The following FGF12 variants were observed in gnomAD, a reference collection of about 807,000 sequenced individuals.
FGF12 encodes the protein fibroblast growth factor 12B.
FGF12 carries 14 observed loss-of-function variants against 23.6 expected under a neutral mutation model. The observed-to-expected ratio is 0.59, with a 90% confidence interval of 0.39 to 0.93. The LOEUF is 0.93. Among genes scored for constraint, FGF12 ranks in the 40% least tolerant of loss-of-function variants. The pLI, the probability that FGF12 is intolerant of heterozygous loss-of-function variation, is 0.00. For synonymous variants in FGF12, 62 were observed against 77.3 expected, an observed-to-expected ratio of 0.80 and a Z score of 1.04; for missense variants, 175 against 217.8, an observed-to-expected ratio of 0.80 and a Z score of 1.24.
intron 2 of FGF12, among the ~76,000 whole-genome samples, chr3:192,668,692 C>T (rs1165682097): frequency 6.6e-6 from 1 of 151,782 alleles, no homozygotes; most frequent in South Asian, 2.1e-4. Context: ...CGTGTAGGTC[C>T]CAGAATTTAA....
At chr3:192,268,490 G>A (rs866818778) in intron 4 of FGF12, among the ~76,000 whole-genome samples, 1 of 152,198 alleles carries the variant, frequency 6.6e-6, no homozygotes, top group Admixed American at 6.5e-5. Context: ...GGTGGGGCCT[G>A]GTGGGAGATG....
intron 2 of FGF12, among the ~76,000 whole-genome samples, chr3:192,711,676 C>A (rs1024623270): frequency 2.6e-5 from 4 of 152,114 alleles, no homozygotes; most frequent in African/African-American, 9.7e-5. Context: ...GAAACATGTA[C>A]CGTGTCCACT....
chr3:192,697,837 C>T (rs1385627848), intron 2 of FGF12, among the ~76,000 whole-genome samples: 1 of 152,176 alleles, frequency 6.6e-6, no homozygotes, highest in African/African-American at 2.4e-5. Flanking sequence ...GCTGCTCTCC[C>T]AAATAGACCA....
At chr3:192,335,885 C>T (rs797012878) in intron 3 of FGF12, among the ~76,000 whole-genome samples, 2 of 152,020 alleles carry the variant, frequency 1.3e-5, no homozygotes, top group African/African-American at 2.4e-5. Flanking sequence ...TTAAAACAGG[C>T]CAAAGCTTCT....
intron 4 of FGF12, among the ~76,000 whole-genome samples, chr3:192,223,615 C>T (rs188268879): frequency 1.1e-4 from 17 of 152,118 alleles, no homozygotes; most frequent in Admixed American, 4.6e-4. Context: ...AAATTATTCA[C>T]GGTATCTCAT....
At chr3:192,317,671 A>C (rs1716300618) in intron 4 of FGF12, among the ~76,000 whole-genome samples, 1 of 152,166 alleles carries the variant, frequency 6.6e-6, no homozygotes, top group South Asian at 2.1e-4. Context: ...GCTGCCTTGA[A>C]GGGAGCAAGC....
At chr3:192,678,742 G>T (rs895966488) in intron 2 of FGF12, among the ~76,000 whole-genome samples, 5 of 152,142 alleles carry the variant, frequency 3.3e-5, no homozygotes, top group Non-Finnish European at 5.9e-5. Context: ...GAAAAACAGG[G>T]TCAGTGCATG....
At chr3:192,536,761 G>A (rs1300311453) in intron 2 of FGF12, among the ~76,000 whole-genome samples, 3 of 151,854 alleles carry the variant, frequency 2.0e-5, no homozygotes, top group Non-Finnish European at 4.4e-5. Context: ...CAGGGTAAAT[G>A]GGGTATTCAT....
chr3:192,563,274 T>C (rs1363729633), intron 2 of FGF12, among the ~76,000 whole-genome samples: 1 of 152,236 alleles, frequency 6.6e-6, no homozygotes, highest in Non-Finnish European at 1.5e-5. Context: ...AAGCATTTGA[T>C]GAATGGCTAG....
At chr3:192,280,814 A>G (rs1714099053) in intron 4 of FGF12, among the ~76,000 whole-genome samples, 1 of 152,198 alleles carries the variant, frequency 6.6e-6, no homozygotes, top group African/African-American at 2.4e-5. Flanking sequence ...AAGCTAAAAT[A>G]TTGTAATTTT....
chr3:192,347,895 A>G (rs1166750922), intron 3 of FGF12, among the ~76,000 whole-genome samples: 3 of 152,136 alleles, frequency 2.0e-5, no homozygotes, highest in African/African-American at 7.2e-5. Context: ...AATCTCCTAC[A>G]TATTATTCCC....
chr3:192,482,896 G>A (rs1051911625), intron 2 of FGF12, among the ~76,000 whole-genome samples: 1 of 152,158 alleles, frequency 6.6e-6, no homozygotes, highest in Non-Finnish European at 1.5e-5. Context: ...TAGTTGGAAA[G>A]ATAAAATGTG....
intron 2 of FGF12, among the ~76,000 whole-genome samples, chr3:192,669,044 G>T (rs1039650304): frequency 1.3e-5 from 2 of 152,088 alleles, no homozygotes; most frequent in African/African-American, 4.8e-5. Context: ...TTTAAAAATT[G>T]TTAGAGCATA....
chr3:192,671,581 G>A (rs1717118756), intron 2 of FGF12, among the ~76,000 whole-genome samples: 1 of 152,104 alleles, frequency 6.6e-6, no homozygotes, highest in Admixed American at 6.6e-5. Flanking sequence ...CAAGTCCATA[G>A]GCTTCAGTTT....
intron 2 of FGF12, among the ~76,000 whole-genome samples, chr3:192,500,046 C>G (rs1208618706): frequency 6.6e-6 from 1 of 152,058 alleles, no homozygotes; most frequent in Non-Finnish European, 1.5e-5. Flanking sequence ...GTGAGAAGAT[C>G]AATCAAAACA....
At chr3:192,723,658 T>C (rs942653964) in intron 2 of FGF12, among the ~76,000 whole-genome samples, 11 of 151,986 alleles carry the variant, frequency 7.2e-5, no homozygotes, top group African/African-American at 2.7e-4. Context: ...TTGGGAGCCA[T>C]TTAAAACTAC....
chr3:192,511,731 A>AG (rs906589385), intron 2 of FGF12, among the ~76,000 whole-genome samples: 8 of 152,150 alleles, frequency 5.3e-5, no homozygotes, highest in African/African-American at 1.9e-4. Context: ...TGGAAAAAAA[A>AG]GAATCATAAG....
chr3:192,564,072 G>GT (rs1204632110), intron 2 of FGF12, among the ~76,000 whole-genome samples: 5 of 151,478 alleles, frequency 3.3e-5, no homozygotes, highest in Non-Finnish European at 7.4e-5. Flanking sequence ...TTGTTTGTTT[G>GT]TTTGTTTTTG....
At chr3:192,477,088 C>T (rs541775486) in intron 2 of FGF12, among the ~76,000 whole-genome samples, 40 of 152,128 alleles carry the variant, frequency 2.6e-4, no homozygotes, top group African/African-American at 9.2e-4. Context: ...ACTAGCTTAA[C>T]GGAAAAAGAA....
Sources: gnomAD v4.1 joint callset for allele counts (sites outside exome capture counted in the v4.1 genomes callset) on GRCh38, gnomAD v4.1.1 for gene constraint, MANE v1.5 for transcripts, NCBI Gene and HGNC (gene_info 2026-07-23, HGNC 2026-07-21) for gene names.